Variants in CERS4 observed in about 807,000 individuals in gnomAD.
CERS4 encodes the protein ceramide synthase 4.
CERS4 carries 65 observed loss-of-function variants against 51.8 expected under a neutral mutation model. The ratio of observed to expected loss-of-function variants is 1.26; its 90% CI spans 1.03 to 1.54. CERS4 has a LOEUF of 1.54. CERS4 is among the 40% of genes most tolerant of loss of function. CERS4 has a pLI of 0.00. For missense variants in CERS4, 563 were observed against 500.4 expected (o/e 1.13, Z -1.19); for synonymous variants, 228 against 208.4 (o/e 1.09, Z -0.81).
At chr19:8,251,601 C>A (rs959751081) in intron 3 of CERS4, among the ~76,000 whole-genome samples, 1 of 152,092 alleles carries the variant, frequency 6.6e-6, no homozygotes, top group African/African-American at 2.4e-5. Flanking sequence ...CACTTGAGGT[C>A]AAGAGTTCGA....
intron 2 of CERS4, among the ~76,000 whole-genome samples, chr19:8,242,374 T>C (rs1259415373): frequency 6.6e-6 from 1 of 152,176 alleles, no homozygotes; most frequent in East Asian, 1.9e-4. Context: ...GAGAGCTCCC[T>C]GGTTTAGAAA....
chr19:8,251,200 G>GCCCTGC lies in CERS4; in HGVS notation c.130_135dup (p.Pro44_Leu45dup). ...CCCCCACCCCCAGGACTTGTTGGCA[G>GCCCTGC]CCCTGCCCCTGGCGCTGGTCCTCCT... is the stretch of plus-strand genomic sequence containing the variant. On this transcript the variant is annotated inframe_insertion, in exon 3 of 12. Coordinates refer to ENST00000251363, the MANE Select transcript of CERS4 (RefSeq NM_024552.3). 1.2e-6 allele frequency: 2 copies of GCCCTGC among 1,613,056 alleles called. No homozygotes were observed. The highest frequency in any genetic ancestry group is 8.5e-7 in the Non-Finnish European group (1 of 1,179,618).
chr19:8,256,674 A>C lies in CERS4; in HGVS notation c.576A>C (p.Ser192=). Residue 192 remains serine (S), a synonymous_variant, in exon 8 of 12, where the codon TCA becomes TCC. Coordinates refer to ENST00000251363, the MANE Select transcript of CERS4 (RefSeq NM_024552.3). ...TCTTGGAGCTGGGTTTCTACCTCTC[A>C]CTGCTAATCAGGCTGCCCTTTGATG... ...WYLLELGFYL[S]LLIRLPFDVK... is the part of the protein sequence containing the mutation. 6.2e-7 allele frequency: 1 copy of C among 1,613,872 alleles called. No individual in the cohort carries two copies. The highest frequency in any genetic ancestry group is 8.5e-7 in the Non-Finnish European group (1 of 1,179,904).
At position 8,245,902 on chromosome 19, in the gene CERS4, CAAAAAAA is replaced by C. The variant is rs746017170; in HGVS notation, c.-1-5155_-1-5149del. Among the ~76,000 whole-genome samples the C allele has an allele frequency of 5.9e-3, 457 of 76,950 alleles. 2 individuals are homozygous for C. Among genetic ancestry groups the C allele is most frequent in the Middle Eastern group, 0.026 (3 of 114 alleles). 50.5% of individuals were successfully genotyped at this position (76,950 alleles called of 152,430 possible). On this transcript the variant is annotated intron_variant, in intron 2 of 11. Coordinates refer to ENST00000251363, the MANE Select transcript of CERS4 (RefSeq NM_024552.3). ...AACTGACAAAACTAAGCTTTGATGA[CAAAAAAA>C]AAAAAAAAAAAAAAAAAAGCTGGTG...
intron 9 of CERS4, among the ~76,000 whole-genome samples, chr19:8,257,592 G>A (rs2145328286): frequency 6.6e-6 from 1 of 152,198 alleles, no homozygotes; most frequent in Non-Finnish European, 1.5e-5. Flanking sequence ...CACCATGCCA[G>A]CTAACTTTTG....
At chr19:8,251,400 C>T (rs1969073220) in intron 3 of CERS4, 151 bp downstream of exon 3, 1 of 1,347,306 alleles carries the variant, frequency 7.4e-7, no homozygotes, top group Admixed American at 3.4e-5. Context: ...CCCCCAGCCG[C>T]CACCACCCAC....
chr19:8,258,233 G>C (rs901369067), intron 10 of CERS4, among the ~76,000 whole-genome samples: 1 of 152,168 alleles, frequency 6.6e-6, no homozygotes, highest in Non-Finnish European at 1.5e-5. Flanking sequence ...GGCTGCCAGC[G>C]CACCAAAGTC....
intron 2 of CERS4, among the ~76,000 whole-genome samples, chr19:8,249,192 T>C (rs1459916968): frequency 7.4e-6 from 1 of 134,754 alleles, no homozygotes; most frequent in East Asian, 2.1e-4. Flanking sequence ...GATGTTTGGA[T>C]GGGTGGATGG....
intron 6 of CERS4, 145 bp downstream of exon 6, chr19:8,256,024 G>A: frequency 2.0e-6 from 2 of 999,706 alleles, no homozygotes; most frequent in Non-Finnish European, 3.0e-6. Flanking sequence ...GGTGGTGAAT[G>A]TTCACTCAAC....
intron 2 of CERS4, chr19:8,214,569 C>T (rs530391634): frequency 6.6e-6 from 1 of 152,534 alleles, no homozygotes; most frequent in East Asian, 1.9e-4. Context: ...GATGAAGAGA[C>T]TGAAGGTCCT....
chr19:8,245,329 C>T (rs1043980419), intron 2 of CERS4, among the ~76,000 whole-genome samples: 7 of 152,068 alleles, frequency 4.6e-5, no homozygotes, highest in African/African-American at 1.7e-4. Flanking sequence ...CAGCTCATTG[C>T]AGCCCCAAAC....
intron 2 of CERS4, chr19:8,238,573 G>T (rs1599551627): frequency 1.0e-6 from 1 of 985,312 alleles, no homozygotes; most frequent in Non-Finnish European, 1.2e-6. Context: ...GGAGGTGGAG[G>T]CCCCTCTTTA....
intron 2 of CERS4, chr19:8,214,271 T>A (rs987254606): frequency 2.6e-5 from 4 of 152,464 alleles, no homozygotes; most frequent in African/African-American, 9.7e-5. Flanking sequence ...CTGTCTGTCA[T>A]TTGTTCATTC....
chr19:8,235,222 T>C (rs879712736), intron 2 of CERS4, among the ~76,000 whole-genome samples: 1 of 151,440 alleles, frequency 6.6e-6, no homozygotes, highest in African/African-American at 2.4e-5. Context: ...TTGGCCAAGA[T>C]GGTCTTGATC....
At chr19:8,215,736 C>T (rs925485605) in intron 2 of CERS4, among the ~76,000 whole-genome samples, 6 of 152,216 alleles carry the variant, frequency 3.9e-5, no homozygotes, top group African/African-American at 1.2e-4. Context: ...TCCCCTCCAT[C>T]CCCGTCCAAA....
At chr19:8,252,672 C>T (rs962699698) in intron 3 of CERS4, among the ~76,000 whole-genome samples, 1 of 152,182 alleles carries the variant, frequency 6.6e-6, no homozygotes, top group African/African-American at 2.4e-5. Flanking sequence ...CTCCTGACGT[C>T]AGGTGATCCA....
intron 2 of CERS4, among the ~76,000 whole-genome samples, chr19:8,234,542 A>ACTTTTTTTTTTTTTTTTTTTTTT (rs1968152610): frequency 1.8e-5 from 1 of 54,158 alleles, no homozygotes; most frequent in African/African-American, 7.3e-5. Context: ...CCACCATTCT[A>ACTTTTTTTTTTTTTTTTTTTTTT]TTTTTTTTTT....
rs375624278 is a variant in CERS4, at chr19:8,254,644, G to A, written c.291+28G>A. ...GAGAGCCCCCCATGCCCTCCGACCC[G>A]CACTACTGCCCTGGGGGTGGGGCGT... On this transcript the variant is annotated intron_variant, in intron 4 of 11. Coordinates refer to ENST00000251363, the MANE Select transcript of CERS4 (RefSeq NM_024552.3). 337 of 1,564,638 alleles carry A rather than the reference G, an allele frequency of 2.2e-4. 2 individuals are homozygous for A. In the South Asian group the frequency reaches 2.5e-3, roughly 12 times the overall value.
At chr19:8,214,852 G>A (rs1294348881) in intron 2 of CERS4, among the ~76,000 whole-genome samples, 4 of 151,756 alleles carry the variant, frequency 2.6e-5, no homozygotes, top group Non-Finnish European at 5.9e-5. Context: ...GCCAGGGAAG[G>A]GTACTGATGA....
Sources: gnomAD v4.1 joint callset for allele counts (sites outside exome capture counted in the v4.1 genomes callset) on GRCh38, gnomAD v4.1.1 for gene constraint, MANE v1.5 for transcripts, NCBI Gene and HGNC (gene_info 2026-07-23, HGNC 2026-07-21) for gene names.